The following FAM174B variants were observed in gnomAD, a reference collection of about 807,000 sequenced individuals.
The protein encoded by FAM174B is membrane protein FAM174B.
A neutral mutation model predicts 10.9 loss-of-function variants in FAM174B; 12 were observed. That is an observed-to-expected ratio of 1.10 (90% CI 0.71 to 1.79). The LOEUF (loss-of-function observed/expected upper bound fraction) is 1.79, where lower values mean the gene tolerates loss of function less well. Among genes scored for constraint, FAM174B ranks in the 40% most tolerant of loss-of-function variants. FAM174B has a pLI of 0.00. For synonymous variants in FAM174B, 132 were observed against 115.8 expected (o/e 1.14, Z -0.90); for missense variants, 266 against 233.3 (o/e 1.14, Z -0.91).
chr15:92,655,612 G>T lies in FAM174B; in HGVS notation c.48C>A (p.Leu16=). The T allele has an allele frequency of 7.9e-7, 1 of 1,273,028 alleles. No homozygotes were observed. The highest frequency in any genetic ancestry group is 3.3e-5 in the East Asian group (1 of 30,712). The allele number at this position is 1,273,028 out of a possible 1,614,324, so 78.9% of individuals were successfully genotyped here. ...LPAPLLPLLL[L]ALLAAPAARA... The stretch of plus-strand genomic sequence containing the variant: ...GGGCGGCGGGAGCGGCCAGGAGCGC[G>T]AGCAGCAGCAGCGGCAGGAGCGGGG... Residue 16 remains leucine (L), a synonymous_variant, in exon 1 of 3, where the codon CTC becomes CTA. Coordinates refer to ENST00000327355, the MANE Select transcript of FAM174B (RefSeq NM_207446.3).
In FAM174B at chr15:92,655,662, T is replaced by G; in HGVS notation, c.-3A>C. Reference sequence around the variant, plus strand: ...GCGGGCAGCGGCACGGCGCGCATAGTGCGGTGGGTCGGCACAGGATCGGGC... The same window carrying G: ...GCGGGCAGCGGCACGGCGCGCATAGGGCGGTGGGTCGGCACAGGATCGGGC... On this transcript the variant is annotated 5_prime_UTR_variant, in exon 1 of 3. Transcript: ENST00000327355. 1 of 1,257,602 alleles carries G rather than the reference T, an allele frequency of 8.0e-7. No individual in the cohort carries two copies. Among genetic ancestry groups the G allele is most frequent in the Non-Finnish European group, 9.9e-7 (1 of 1,006,556 alleles). 77.9% of individuals were successfully genotyped at this position (1,257,602 alleles called of 1,614,324 possible).
intron 1 of FAM174B, among the ~76,000 whole-genome samples, chr15:92,647,658 C>T (rs1253283004): frequency 6.6e-6 from 1 of 152,198 alleles, no homozygotes; most frequent in Non-Finnish European, 1.5e-5. Context: ...ATACCAAATT[C>T]CAACCTGATT....
rs1040703445 is a variant in FAM174B, at chr15:92,618,611, C to A, written c.*845G>T. On this transcript the variant is annotated 3_prime_UTR_variant, in exon 3 of 3. Transcript: ENST00000327355. Reference sequence around the variant, plus strand: ...CATTTCTAAGGCAAACAACGTAGAACTGTGACAGAGCAGAGGAACAACAAA... The same window carrying A: ...CATTTCTAAGGCAAACAACGTAGAAATGTGACAGAGCAGAGGAACAACAAA... The A allele has an allele frequency of 1.3e-5, 2 of 152,864 alleles. No homozygotes were observed. Among genetic ancestry groups the A allele is most frequent in the African/African-American group, 4.8e-5 (2 of 41,456 alleles). The allele number at this position is 152,864 out of a possible 1,614,324, so 9.5% of individuals were successfully genotyped here. A position where few individuals can be genotyped will look rare whatever the true frequency, so the allele number is the denominator to read the frequency against.
intron 1 of FAM174B, among the ~76,000 whole-genome samples, chr15:92,654,839 G>C (rs944161930): frequency 6.6e-6 from 1 of 151,946 alleles, no homozygotes; most frequent in Non-Finnish European, 1.5e-5. Context: ...GGCGGGGCGT[G>C]AGGGAGCTGC....
rs771719507 is a variant in FAM174B, at chr15:92,655,447, G to C, written c.213C>G (p.Asn71Lys). 1 of 1,436,366 alleles carries C rather than the reference G, an allele frequency of 7.0e-7. No individual in the cohort carries two copies. Among genetic ancestry groups the C allele is most frequent in the Non-Finnish European group, 9.1e-7 (1 of 1,099,734 alleles). The allele number at this position is 1,436,366 out of a possible 1,614,324, so 89.0% of individuals were successfully genotyped here. ...GGGTCACCAAGGCGTCGCCACTGCT[G>C]TTGGAGCTGGAGCTGCCGCTGCCGC... is the stretch of plus-strand genomic sequence containing the variant. ...AAGGSGSSSSNSSGDALVTRI... is the reference protein window; with the variant it reads ...AAGGSGSSSSKSSGDALVTRI... The change falls in exon 1 of 3, where the codon AAC becomes AAG. Residue 71 changes from asparagine to lysine, a missense_variant. Coordinates refer to ENST00000327355, the MANE Select transcript of FAM174B (RefSeq NM_207446.3).
intron 2 of FAM174B, 104 bp downstream of exon 2, chr15:92,630,110 C>A (rs1464854276): frequency 5.0e-6 from 6 of 1,210,556 alleles, no homozygotes; most frequent in South Asian, 1.4e-5. Context: ...CAGGACCCAA[C>A]ACTTCACTAA....
intron 1 of FAM174B, among the ~76,000 whole-genome samples, chr15:92,647,071 G>C (rs2050933275): frequency 6.6e-6 from 1 of 152,216 alleles, no homozygotes; most frequent in African/African-American, 2.4e-5. Flanking sequence ...CGACAGGACT[G>C]ACAGTGCACC....
chr15:92,628,748 ATATG>A (rs940133780), intron 2 of FAM174B, among the ~76,000 whole-genome samples: 28 of 152,314 alleles, frequency 1.8e-4, no homozygotes, highest in Admixed American at 5.2e-4. Flanking sequence ...TCCAAAACCA[ATATG>A]TATGTAAACA....
chr15:92,641,023 T>A (rs949069214), intron 1 of FAM174B, among the ~76,000 whole-genome samples: 1 of 151,804 alleles, frequency 6.6e-6, no homozygotes, highest in Non-Finnish European at 1.5e-5. Flanking sequence ...AGATCAATAA[T>A]CTAATTGAAA....
chr15:92,640,228 T>A (rs2050881355), intron 1 of FAM174B, among the ~76,000 whole-genome samples: 1 of 152,098 alleles, frequency 6.6e-6, no homozygotes, highest in African/African-American at 2.4e-5. Context: ...AAAAGGATGA[T>A]AAATGTAAAC....
intron 1 of FAM174B, among the ~76,000 whole-genome samples, chr15:92,633,588 A>G (rs977938000): frequency 1.3e-5 from 2 of 152,152 alleles, no homozygotes; most frequent in African/African-American, 4.8e-5. Flanking sequence ...ACACACAGGC[A>G]TGGGTGTGAA....
intron 2 of FAM174B, among the ~76,000 whole-genome samples, chr15:92,626,241 G>A (rs917126797): frequency 3.3e-5 from 5 of 150,178 alleles, no homozygotes; most frequent in Non-Finnish European, 5.9e-5. Context: ...TGGGACTACA[G>A]GCGCCAGCCA....
At chr15:92,640,208 A>AT (rs967716391) in intron 1 of FAM174B, among the ~76,000 whole-genome samples, 4 of 152,144 alleles carry the variant, frequency 2.6e-5, no homozygotes, top group Non-Finnish European at 4.4e-5. Flanking sequence ...TCCAAAATCC[A>AT]TTTTTTTAAA....
At position 92,619,448 on chromosome 15, in the gene FAM174B, A is replaced by G; in HGVS notation, c.*8T>C. ...TCCACAGGATGCCACCAGGCTGGGA[A>G]ACAGGTTTTACCTAAAAGAAAGGGA... On this transcript the variant is annotated 3_prime_UTR_variant, in exon 3 of 3. Transcript: ENST00000327355. 1 of 1,613,938 alleles carries G rather than the reference A, an allele frequency of 6.2e-7. No homozygotes were observed. The highest frequency in any genetic ancestry group is 8.5e-7 in the Non-Finnish European group (1 of 1,179,854).
chr15:92,630,922 C>T (rs1175415030), intron 1 of FAM174B, among the ~76,000 whole-genome samples: 2 of 32,918 alleles, frequency 6.1e-5, no homozygotes, highest in African/African-American at 1.6e-4. Context: ...TTATATATTA[C>T]GTATTACATA....
intron 2 of FAM174B, among the ~76,000 whole-genome samples, chr15:92,626,686 T>C (rs2050755248): frequency 1.3e-5 from 2 of 152,130 alleles, no homozygotes; most frequent in Admixed American, 1.3e-4. Context: ...GTCCTGAGTT[T>C]CTGCCTAGAA....
chr15:92,649,525 A>G (rs796186623), intron 1 of FAM174B, among the ~76,000 whole-genome samples: 2 of 152,346 alleles, frequency 1.3e-5, no homozygotes, highest in African/African-American at 4.8e-5. Context: ...ATAATAGGAC[A>G]CTTGACTGCT....
At chr15:92,644,219 G>T (rs1332827872) in intron 1 of FAM174B, among the ~76,000 whole-genome samples, 1 of 151,940 alleles carries the variant, frequency 6.6e-6, no homozygotes, top group Non-Finnish European at 1.5e-5. Flanking sequence ...GCTAGCCAGG[G>T]TCTCACCACC....
At chr15:92,626,593 G>T (rs1446896918) in intron 2 of FAM174B, among the ~76,000 whole-genome samples, 8 of 152,128 alleles carry the variant, frequency 5.3e-5, no homozygotes, top group African/African-American at 1.9e-4. Context: ...AGAAACCCAG[G>T]CATGGAGACT....
Sources: gnomAD v4.1 joint callset for allele counts (sites outside exome capture counted in the v4.1 genomes callset) on GRCh38, gnomAD v4.1.1 for gene constraint, MANE v1.5 for transcripts, NCBI Gene and HGNC (gene_info 2026-07-23, HGNC 2026-07-21) for gene names.